The following PEX3 variants were observed in gnomAD, a reference collection of about 807,000 sequenced individuals.
PEX3 encodes peroxin-3.
In PEX3, 30 loss-of-function variants were observed where a neutral mutation model predicts 55.8. That is an observed-to-expected ratio of 0.54 (90% confidence interval 0.40 to 0.73). The LOEUF (loss-of-function observed/expected upper bound fraction) is 0.73. Ranked by LOEUF, PEX3 falls within the 30% of genes least tolerant of loss-of-function variation. The probability of loss-of-function intolerance (pLI) is 0.00; values close to 1 mark genes in which losing one functional copy is unlikely to be tolerated. For synonymous variants in PEX3, 135 were observed against 148.4 expected, an observed-to-expected ratio of 0.91 and a Z score of 0.66; for missense variants, 351 against 432.8, an observed-to-expected ratio of 0.81 and a Z score of 1.68.
Position 143,476,663 on chromosome 6 carries a change from A to T in PEX3, c.818+1807A>T, listed in dbSNP as rs374802846. Among the ~76,000 whole-genome samples, 1 of 152,232 alleles carries T rather than the reference A, an allele frequency of 6.6e-6. No homozygotes were observed. Among genetic ancestry groups the T allele is most frequent in the East Asian group, 1.9e-4 (1 of 5,200 alleles). ...GTGGGTTATGAAAGAGGAGGCAAGG[A>T]TGACTCCTAGGTATTGGGGCTGAGC... On this transcript the variant is annotated intron_variant, in intron 9 of 11. Coordinates refer to ENST00000367591, the MANE Select transcript of PEX3 (RefSeq NM_003630.3). The surrounding 1 kb of genome is among the most constrained non-coding windows in gnomAD (Gnocchi z 5.4).
rs1391359160 is a variant in PEX3 at position 143,451,539 on chromosome 6, A to G, written c.73+424A>G. Reference sequence around the variant, plus strand: ...TAATAATAATCTAGGGAAGTTACCTATAGGCTGCACTTCGGGTGGTGGTTA... The same window carrying G: ...TAATAATAATCTAGGGAAGTTACCTGTAGGCTGCACTTCGGGTGGTGGTTA... On this transcript the variant is annotated intron_variant, in intron 1 of 11. Coordinates refer to ENST00000367591, the MANE Select transcript of PEX3 (RefSeq NM_003630.3). The surrounding 1 kb of genome is among the most constrained non-coding windows in gnomAD (Gnocchi z 4.1). 6.6e-6 allele frequency among the ~76,000 whole-genome samples: 1 copy of G among 152,214 alleles called. No individual in the cohort carries two copies. The highest frequency in any genetic ancestry group is 2.4e-5 in the African/African-American group (1 of 41,458).
chr6:143,489,307 AGTTT>A lies in PEX3; in HGVS notation c.*85_*88del. ...GTAAATCACCTATACTTAGAGTAAC[AGTTT>A]GTTATCAAAATGCCTGATAAAATAT... On this transcript the variant is annotated 3_prime_UTR_variant, in exon 12 of 12. Transcript: ENST00000367591. The surrounding 1 kb of genome is among the most constrained non-coding windows in gnomAD (Gnocchi z 5.5). 1.3e-6 allele frequency: 1 copy of A among 796,656 alleles called. No individual in the cohort carries two copies. The highest frequency in any genetic ancestry group is 2.3e-6 in the Non-Finnish European group (1 of 442,484). 49.3% of individuals were successfully genotyped at this position (796,656 alleles called of 1,614,324 possible). A position where few individuals can be genotyped will look rare whatever the true frequency, so the allele number is the denominator to read the frequency against.
chr6:143,474,751 T>G, intron 8 of PEX3, 35 bp from the exon 9 acceptor site: 1 of 1,128,424 alleles, frequency 8.9e-7, no homozygotes, highest in Non-Finnish European at 1.4e-6. Context: ...GTGCTAATGT[T>G]TGAAAACCTT....
At position 143,459,043 on chromosome 6, in the gene PEX3, T is replaced by G. The variant is rs1252741393; in HGVS notation, c.74-42T>G. ...TAGGTTAAAAATACTGTGTAGAATT[T>G]TTGGTACTCTAATGAATATAGTACT... is the stretch of plus-strand genomic sequence containing the variant. On this transcript the variant is annotated intron_variant, in intron 1 of 11. Coordinates refer to ENST00000367591, the MANE Select transcript of PEX3 (RefSeq NM_003630.3). The surrounding 1 kb of genome is among the most constrained non-coding windows in gnomAD (Gnocchi z 4.2). 1.5e-6 allele frequency: 2 copies of G among 1,360,790 alleles called. No individual in the cohort carries two copies. The highest frequency in any genetic ancestry group is 1.0e-6 in the Non-Finnish European group (1 of 952,434). 84.3% of individuals were successfully genotyped at this position (1,360,790 alleles called of 1,614,324 possible). A position where few individuals can be genotyped will look rare whatever the true frequency, so the allele number is the denominator to read the frequency against.
At position 143,482,383 on chromosome 6, in the gene PEX3, C is replaced by T. The variant is rs999510080; in HGVS notation, c.942-2769C>T. Among the ~76,000 whole-genome samples, 1 of 151,992 alleles carries T rather than the reference C, an allele frequency of 6.6e-6. No individual in the cohort carries two copies. Among genetic ancestry groups the T allele is most frequent in the Admixed American group, 6.6e-5 (1 of 15,252 alleles). On this transcript the variant is annotated intron_variant, in intron 10 of 11. Transcript: ENST00000367591. The surrounding 1 kb of genome is among the most constrained non-coding windows in gnomAD (Gnocchi z 5.5). Reference sequence around the variant, plus strand: ...GCTATTGTTATATGAAGGGGACAGACTTTATACTTAGAAACCCAAGAGAGT... The same window carrying T: ...GCTATTGTTATATGAAGGGGACAGATTTTATACTTAGAAACCCAAGAGAGT...
rs75115026 is a variant in PEX3, at chr6:143,459,799, C to T, written c.205+583C>T. Among the ~76,000 whole-genome samples the T allele has an allele frequency of 1.4e-3, 208 of 152,288 alleles. 1 individual carries two copies. Among genetic ancestry groups the T allele is most frequent in the Non-Finnish European group, 2.5e-3 (168 of 68,032 alleles). On this transcript the variant is annotated intron_variant, in intron 2 of 11. Coordinates refer to ENST00000367591, the MANE Select transcript of PEX3 (RefSeq NM_003630.3). The surrounding 1 kb of genome is among the most constrained non-coding windows in gnomAD (Gnocchi z 4.2). Reference sequence around the variant, plus strand: ...CAGAAGTAGGCTTGATCCCATCGGGCCTGTGGGCCATAGGAAAGAGTCATT... The same window carrying T: ...CAGAAGTAGGCTTGATCCCATCGGGTCTGTGGGCCATAGGAAAGAGTCATT...
In PEX3 at chr6:143,463,060, A is replaced by ATT; in HGVS notation, c.287+64_287+65insTT. 1.7e-6 allele frequency: 2 copies of ATT among 1,195,292 alleles called. No individual in the cohort carries two copies. The highest frequency in any genetic ancestry group is 2.5e-6 in the Non-Finnish European group (2 of 805,200). 74.0% of individuals were successfully genotyped at this position (1,195,292 alleles called of 1,614,324 possible). On this transcript the variant is annotated intron_variant, in intron 3 of 11. Transcript: ENST00000367591. The surrounding 1 kb of genome is among the most constrained non-coding windows in gnomAD (Gnocchi z 5.7). ...CACTTAAAGTTTATAGAATGAACTGATAGACTTTTCAAAAATCTTTGTTAT... is the reference window on the plus strand; with the variant it reads ...CACTTAAAGTTTATAGAATGAACTGATTTAGACTTTTCAAAAATCTTTGTTAT...
chr6:143,475,315 A>C lies in PEX3; in HGVS notation c.818+459A>C, dbSNP rs1186246582. Reference sequence around the variant, plus strand: ...AATCTATATTTTTCTCCCACCTCTCAAATCATTTCTTAGATTTTTCTATCT... The same window carrying C: ...AATCTATATTTTTCTCCCACCTCTCCAATCATTTCTTAGATTTTTCTATCT... On this transcript the variant is annotated intron_variant, in intron 9 of 11. Coordinates refer to ENST00000367591, the MANE Select transcript of PEX3 (RefSeq NM_003630.3). This position sits in a 1 kb window ranked among gnomAD's most constrained non-coding sequence, Gnocchi z 4.4. Among the ~76,000 whole-genome samples, 1 of 152,070 alleles carries C rather than the reference A, an allele frequency of 6.6e-6. No homozygotes were observed. The highest frequency in any genetic ancestry group is 1.5e-5 in the Non-Finnish European group (1 of 68,012).
At position 143,459,169 on chromosome 6, in the gene PEX3, G is replaced by C. The variant is rs747114817; in HGVS notation, c.158G>C (p.Arg53Pro). 2 of 1,612,362 alleles carry C rather than the reference G, an allele frequency of 1.2e-6. No individual in the cohort carries two copies. Among genetic ancestry groups the C allele is most frequent in the Non-Finnish European group, 1.7e-6 (2 of 1,178,512 alleles). ...REAAEYIAQA[R>P]RQYHFESNQR... ...GCTGCAGAATACATTGCCCAAGCAC[G>C]ACGACAATATCATTTTGAAAGTAAC... Residue 53 changes from arginine to proline, a missense_variant, in exon 2 of 12, where the codon CGA becomes CCA. By Grantham distance (103) the Arg-to-Pro change is moderately radical. Coordinates refer to ENST00000367591, the MANE Select transcript of PEX3 (RefSeq NM_003630.3). The surrounding 1 kb of genome is among the most constrained non-coding windows in gnomAD (Gnocchi z 4.2).
chr6:143,475,626 C>G lies in PEX3; in HGVS notation c.818+770C>G, dbSNP rs1780141067. ...CCGTGATTGCACCACTGTACTCCAG[C>G]CTGGGCAACAGAGTAAGATCCTGTC... On this transcript the variant is annotated intron_variant, in intron 9 of 11. Transcript: ENST00000367591. This position sits in a 1 kb window ranked among gnomAD's most constrained non-coding sequence, Gnocchi z 4.4. Among the ~76,000 whole-genome samples, 1 of 152,162 alleles carries G rather than the reference C, an allele frequency of 6.6e-6. No homozygotes were observed. Among genetic ancestry groups the G allele is most frequent in the South Asian group, 2.1e-4 (1 of 4,832 alleles).
At chr6:143,456,209 A>G (rs532063254) in intron 1 of PEX3, among the ~76,000 whole-genome samples, 1 of 152,346 alleles carries the variant, frequency 6.6e-6, no homozygotes, top group Non-Finnish European at 1.5e-5. Flanking sequence ...GACTTTCTCA[A>G]AAGTCACATA....
rs1554281678 is a variant in PEX3 at position 143,471,340 on chromosome 6, G to A, written c.457-43G>A. ...TATTGAAAACATTTCTTATTTACCA[G>A]TTTAAAACTTGGATAATTGAACTGT... On this transcript the variant is annotated intron_variant, in intron 5 of 11. Coordinates refer to ENST00000367591, the MANE Select transcript of PEX3 (RefSeq NM_003630.3). The surrounding 1 kb of genome is among the most constrained non-coding windows in gnomAD (Gnocchi z 5.4). The A allele has an allele frequency of 1.4e-6, 2 of 1,392,150 alleles. No homozygotes were observed. Among genetic ancestry groups the A allele is most frequent in the Admixed American group, 3.4e-5 (2 of 59,450 alleles). 86.2% of individuals were successfully genotyped at this position (1,392,150 alleles called of 1,614,324 possible). A position where few individuals can be genotyped will look rare whatever the true frequency, so the allele number is the denominator to read the frequency against.
intron 2 of PEX3, among the ~76,000 whole-genome samples, chr6:143,461,843 G>C (rs1779924740): frequency 1.3e-5 from 2 of 152,194 alleles, no homozygotes; most frequent in South Asian, 2.1e-4. Context: ...AACTACTCGG[G>C]AATCTGAGGC....
At chr6:143,474,087 T>C (rs556708294) in intron 8 of PEX3, among the ~76,000 whole-genome samples, 1 of 151,862 alleles carries the variant, frequency 6.6e-6, no homozygotes, top group East Asian at 1.9e-4. Flanking sequence ...GCTATGATCA[T>C]GCCACTGCAC....
At chr6:143,484,048 G>T (rs1463772068) in intron 10 of PEX3, among the ~76,000 whole-genome samples, 25 of 151,954 alleles carry the variant, frequency 1.6e-4, no homozygotes, top group Admixed American at 1.6e-3. Flanking sequence ...CACACTGGTT[G>T]TACACCCTAG....
chr6:143,453,080 TGGA>T lies in PEX3; in HGVS notation c.73+1966_73+1968del, dbSNP rs1779796954. On this transcript the variant is annotated intron_variant, in intron 1 of 11. Coordinates refer to ENST00000367591, the MANE Select transcript of PEX3 (RefSeq NM_003630.3). The surrounding 1 kb of genome is among the most constrained non-coding windows in gnomAD (Gnocchi z 4.6). ...AACTGGAATTCAAACCCAGGTGTGT[TGGA>T]CCACAAAGCACATTCTATTTCCATA... Among the ~76,000 whole-genome samples the T allele has an allele frequency of 2.6e-5, 4 of 152,330 alleles. No individual in the cohort carries two copies. Among genetic ancestry groups the T allele is most frequent in the African/African-American group, 9.6e-5 (4 of 41,578 alleles).
rs1025538929 is a variant in PEX3, at chr6:143,464,504, G to A, written c.287+1507G>A. Reference sequence around the variant, plus strand: ...TTTAGGAGTATCAAAAAAACCAAAGGATTAATTTTGATAGATTATCCTGGA... The same window carrying A: ...TTTAGGAGTATCAAAAAAACCAAAGAATTAATTTTGATAGATTATCCTGGA... On this transcript the variant is annotated intron_variant, in intron 3 of 11. Coordinates refer to ENST00000367591, the MANE Select transcript of PEX3 (RefSeq NM_003630.3). The surrounding 1 kb of genome is among the most constrained non-coding windows in gnomAD (Gnocchi z 5.8). Among the ~76,000 whole-genome samples, 6 of 151,800 alleles carry A rather than the reference G, an allele frequency of 4.0e-5. No individual in the cohort carries two copies. The highest frequency in any genetic ancestry group is 8.8e-5 in the Non-Finnish European group (6 of 67,846).
chr6:143,490,579 A>G lies in PEX3; in HGVS notation c.*1353A>G, dbSNP rs890411393. The G allele has an allele frequency of 1.4e-5, 11 of 760,218 alleles. No homozygotes were observed. The highest frequency in any genetic ancestry group is 2.1e-5 in the Non-Finnish European group (11 of 515,412). The allele number at this position is 760,218 out of a possible 1,614,324, so 47.1% of individuals were successfully genotyped here. A position where few individuals can be genotyped will look rare whatever the true frequency, so the allele number is the denominator to read the frequency against. On this transcript the variant is annotated 3_prime_UTR_variant, in exon 12 of 12. Coordinates refer to ENST00000367591, the MANE Select transcript of PEX3 (RefSeq NM_003630.3). This position sits in a 1 kb window ranked among gnomAD's most constrained non-coding sequence, Gnocchi z 6.0. ...GCCAAGCATGTCTTCACCAAGGGAT[A>G]TGGATTTGGCTTAATAAAACCTGAT...
In PEX3 at chr6:143,465,947, T is replaced by A. The variant is rs1488840067; in HGVS notation, c.288-2175T>A. ...AGAATATGGACTTGTGTTTTCTATA[T>A]CTGTGGTTTTTTTTATTTCATGTTT... is the stretch of plus-strand genomic sequence containing the variant. On this transcript the variant is annotated intron_variant, in intron 3 of 11. Transcript: ENST00000367591. This position sits in a 1 kb window ranked among gnomAD's most constrained non-coding sequence, Gnocchi z 4.7. 1.3e-5 allele frequency among the ~76,000 whole-genome samples: 2 copies of A among 152,108 alleles called. No individual in the cohort carries two copies.
Sources: allele counts gnomAD v4.1 joint callset (sites outside exome capture counted in the v4.1 genomes callset), GRCh38; gene constraint gnomAD v4.1.1; non-coding constraint Gnocchi (gnomAD v3.1); transcripts MANE v1.5; gene names NCBI Gene and HGNC (gene_info 2026-07-23, HGNC 2026-07-21).